RCAN3: variants seen among roughly 807,000 people sequenced by gnomAD.
The protein encoded by RCAN3 is calcipressin-3.
Under a neutral mutation model 21.9 loss-of-function variants are expected in RCAN3, and 19 were observed. That is an observed-to-expected ratio of 0.87 (90% CI 0.61 to 1.27). The LOEUF is 1.27. Among genes scored for constraint, RCAN3 ranks in the 50% most tolerant of loss-of-function variants. The probability of loss-of-function intolerance (pLI) is 0.00; values close to 1 mark genes in which losing one functional copy is unlikely to be tolerated. For synonymous variants in RCAN3, 114 were observed against 112.3 expected (o/e 1.01, Z -0.09); for missense variants, 240 against 300.1 (o/e 0.80, Z 1.48).
intron 3 of RCAN3, among the ~76,000 whole-genome samples, chr1:24,532,063 C>T (rs1649807225): frequency 1.3e-5 from 2 of 151,978 alleles, no homozygotes; most frequent in Non-Finnish European, 2.9e-5. Context: ...TTCTTGCCTT[C>T]CACGTAAAAA....
chr1:24,507,151 A>G (rs929066976), intron 1 of RCAN3, among the ~76,000 whole-genome samples: 19 of 152,150 alleles, frequency 1.2e-4, no homozygotes, highest in Admixed American at 1.0e-3. Context: ...TTGCTTGGCA[A>G]CCTGGCCCAT....
At position 24,514,378 on chromosome 1, in the gene RCAN3, G is replaced by A. The variant is rs776467999; in HGVS notation, c.6G>A (p.Leu2=). 6.2e-7 allele frequency: 1 copy of A among 1,612,954 alleles called. No individual in the cohort carries two copies. Among genetic ancestry groups the A allele is most frequent in the Non-Finnish European group, 8.5e-7 (1 of 1,179,322 alleles). Residue 2 remains leucine (L), a synonymous_variant, in exon 2 of 5, where the codon CTG becomes CTA. Transcript: ENST00000374395. ...AAGGCCCACTTTGGGGGATAATGCT[G>A]AGGGACACTATGAAATCTTGGAATG... The part of the protein sequence containing the change: M[L]RDTMKSWNDS...
intron 1 of RCAN3, among the ~76,000 whole-genome samples, chr1:24,513,450 G>A (rs1648055822): frequency 6.6e-6 from 1 of 152,008 alleles, no homozygotes; most frequent in African/African-American, 2.4e-5. Flanking sequence ...CAGATCACCT[G>A]AGGTTAGGAG....
intron 2 of RCAN3, among the ~76,000 whole-genome samples, chr1:24,520,398 A>G (rs1648689621): frequency 6.6e-6 from 1 of 152,170 alleles, no homozygotes; most frequent in South Asian, 2.1e-4. Flanking sequence ...GTTGAAAGAA[A>G]TTTAAAGAAG....
At chr1:24,527,872 T>TC (rs1275795031) in intron 2 of RCAN3, among the ~76,000 whole-genome samples, 1 of 152,030 alleles carries the variant, frequency 6.6e-6, no homozygotes, top group Non-Finnish European at 1.5e-5. Flanking sequence ...ATTAGGCTTT[T>TC]CATTATCCCA....
At chr1:24,533,311 C>T (rs1015857016) in intron 4 of RCAN3, 57 bp downstream of exon 4, 254 of 1,373,804 alleles carry the variant, frequency 1.8e-4, no homozygotes, top group Non-Finnish European at 2.3e-4. Flanking sequence ...TATTGAAGAT[C>T]GTATTCAGCA....
Position 24,539,292 on chromosome 1 carries a change from A to C in RCAN3, c.*4015A>C, listed in dbSNP as rs1249688296. ...TTTTTTCCCTGATGGGAAACAGTGA[A>C]TAAGAAAAATCTCATCATTCGATGG... is the stretch of plus-strand genomic sequence containing the variant. On this transcript the variant is annotated 3_prime_UTR_variant, in exon 5 of 5. Transcript: ENST00000374395. 1 of 152,066 alleles carries C rather than the reference A, an allele frequency of 6.6e-6. No individual in the cohort carries two copies. The highest frequency in any genetic ancestry group is 1.5e-5 in the Non-Finnish European group (1 of 68,006). The allele number at this position is 152,066 out of a possible 1,614,324, so 9.4% of individuals were successfully genotyped here.
chr1:24,517,396 C>T (rs1236821838), intron 2 of RCAN3, among the ~76,000 whole-genome samples: 3 of 152,102 alleles, frequency 2.0e-5, no homozygotes, highest in East Asian at 1.9e-4. Flanking sequence ...GTATTACAGG[C>T]GTGAGCCACC....
intron 1 of RCAN3, among the ~76,000 whole-genome samples, chr1:24,513,069 C>T (rs990793320): frequency 2.0e-5 from 3 of 152,060 alleles, no homozygotes; most frequent in Non-Finnish European, 4.4e-5. Flanking sequence ...AACCCCATCT[C>T]TACTAAAAAT....
intron 2 of RCAN3, among the ~76,000 whole-genome samples, chr1:24,527,033 A>G (rs558562458): frequency 2.0e-5 from 3 of 152,264 alleles, no homozygotes; most frequent in East Asian, 1.9e-4. Context: ...TTTGTTATTT[A>G]TGTATATTAC....
intron 2 of RCAN3, 123 bp downstream of exon 2, chr1:24,514,690 C>A: frequency 1.1e-6 from 1 of 949,560 alleles, no homozygotes; most frequent in Non-Finnish European, 1.6e-6. Flanking sequence ...ACTTTTAGGC[C>A]GGGCGCATTG....
intron 1 of RCAN3, among the ~76,000 whole-genome samples, chr1:24,505,225 CTTTTTTCTT>C (rs763622137): frequency 0.28 from 29,831 of 107,944 alleles, 2,853 homozygotes; most frequent in East Asian, 0.33. Flanking sequence ...TTTTTTTTCT[CTTTTTTCTT>C]TTTTTTTTTT....
At position 24,525,548 on chromosome 1, in the gene RCAN3, C is replaced by A. The variant is rs1469302840; in HGVS notation, c.196-5670C>A. Among the ~76,000 whole-genome samples, 2 of 152,090 alleles carry A rather than the reference C, an allele frequency of 1.3e-5. No homozygotes were observed. Among genetic ancestry groups the A allele is most frequent in the Non-Finnish European group, 2.9e-5 (2 of 68,022 alleles). ...ATGATGATTTTTATTTTAATGGAAT[C>A]CCCATTATCTTTTCTCAAATAAATA... On this transcript the variant is annotated intron_variant, in intron 2 of 4. Coordinates refer to ENST00000374395, the MANE Select transcript of RCAN3 (RefSeq NM_013441.4). The surrounding 1 kb of genome is among the most constrained non-coding windows in gnomAD (Gnocchi z 4.1).
chr1:24,533,067 G>A lies in RCAN3; in HGVS notation c.370-16G>A, dbSNP rs199595334. The A allele has an allele frequency of 4.6e-5, 65 of 1,412,814 alleles. No homozygotes were observed. Among genetic ancestry groups the A allele is most frequent in the Middle Eastern group, 2.1e-4 (1 of 4,780 alleles). The allele number at this position is 1,412,814 out of a possible 1,614,324, so 87.5% of individuals were successfully genotyped here. On this transcript the variant is annotated splice_polypyrimidine_tract_variant and intron_variant, in intron 3 of 4. Transcript: ENST00000374395. ...CCCGGTTTGCAAACTGGCTTTGAGC[G>A]TCTCGCTCCCTGCAGGTGCAGATGT... is the stretch of plus-strand genomic sequence containing the variant.
intron 2 of RCAN3, among the ~76,000 whole-genome samples, chr1:24,521,910 G>T (rs915054650): frequency 2.7e-5 from 4 of 150,266 alleles, no homozygotes; most frequent in Non-Finnish European, 5.9e-5. Flanking sequence ...TGCTGGGGGG[G>T]GTGGGGAAAA....
At chr1:24,513,004 G>A (rs554831208) in intron 1 of RCAN3, among the ~76,000 whole-genome samples, 29 of 152,262 alleles carry the variant, frequency 1.9e-4, no homozygotes, top group African/African-American at 6.7e-4. Context: ...TTAGGAGGCC[G>A]AGTTGGGCGG....
In RCAN3 at chr1:24,527,757, G is replaced by A. The variant is rs905329350; in HGVS notation, c.196-3461G>A. The stretch of plus-strand genomic sequence containing the variant: ...CCTAAGGAATATTTCTAAAGGTATT[G>A]AGAAGTTTCTTGGATCCATTTTATT... On this transcript the variant is annotated intron_variant, in intron 2 of 4. Coordinates refer to ENST00000374395, the MANE Select transcript of RCAN3 (RefSeq NM_013441.4). Among the ~76,000 whole-genome samples, 5 of 152,244 alleles carry A rather than the reference G, an allele frequency of 3.3e-5. No individual in the cohort carries two copies. The East Asian group carries it at 9.6e-4, about 29-fold the overall frequency.
In RCAN3 at chr1:24,535,323, C is replaced by A; in HGVS notation, c.*46C>A. 3 of 1,493,374 alleles carry A rather than the reference C, an allele frequency of 2.0e-6. No individual in the cohort carries two copies. The South Asian group carries it at 4.4e-5, about 22-fold the overall frequency. The allele number at this position is 1,493,374 out of a possible 1,614,324, so 92.5% of individuals were successfully genotyped here. On this transcript the variant is annotated 3_prime_UTR_variant, in exon 5 of 5. Coordinates refer to ENST00000374395, the MANE Select transcript of RCAN3 (RefSeq NM_013441.4). ...GGCGGCTGCCCTGGTGGGCTCTGGC[C>A]ATGGCGCTCTGTGCCTGCGGCCGAT...
chr1:24,539,002 AT>A lies in RCAN3; in HGVS notation c.*3728del, dbSNP rs1169432216. The A allele has an allele frequency of 1.3e-5, 2 of 152,092 alleles. No homozygotes were observed. The highest frequency in any genetic ancestry group is 4.8e-5 in the African/African-American group (2 of 41,428). The allele number at this position is 152,092 out of a possible 1,614,324, so 9.4% of individuals were successfully genotyped here. On this transcript the variant is annotated 3_prime_UTR_variant, in exon 5 of 5. Coordinates refer to ENST00000374395, the MANE Select transcript of RCAN3 (RefSeq NM_013441.4). ...AATGTCATGATTACAAAGTGAAAAG[AT>A]TTGGCTTTCTTAGAGGCTCAATCAC...
Sources: gnomAD v4.1 joint callset for allele counts (sites outside exome capture counted in the v4.1 genomes callset) on GRCh38, gnomAD v4.1.1 for gene constraint, Gnocchi (gnomAD v3.1) non-coding constraint, MANE v1.5 for transcripts, NCBI Gene and HGNC (gene_info 2026-07-23, HGNC 2026-07-21) for gene names.